Variants in PCDH11X observed in about 807,000 individuals in gnomAD.
PCDH11X encodes protocadherin 11 X-linked.
Under a neutral mutation model 53.3 loss-of-function variants are expected in PCDH11X, and 18 were observed. That is an observed-to-expected ratio of 0.34 (90% confidence interval 0.23 to 0.50). PCDH11X has a LOEUF of 0.50. PCDH11X is among the 20% of genes least tolerant of loss of function. PCDH11X has a pLI of 0.98. For synonymous variants in PCDH11X, 279 were observed against 393.3 expected, an observed-to-expected ratio of 0.71 and a Z score of 3.44; for missense variants, 570 against 1,032.4, an observed-to-expected ratio of 0.55 and a Z score of 6.14.
At position 92,152,795 on chromosome X, in the gene PCDH11X, G is replaced by GTATTTATT. The variant is rs398073674; in HGVS notation, c.3034-48570_3034-48563dup. 1.2e-4 allele frequency among the ~76,000 whole-genome samples: 9 copies of GTATTTATT among 76,662 alleles called. No homozygotes were observed. The East Asian group carries it at 1.6e-3, about 13-fold the overall frequency. The allele number at this position is 76,662 out of a possible 115,157, so 66.6% of individuals were successfully genotyped here. A position where few individuals can be genotyped will look rare whatever the true frequency, so the allele number is the denominator to read the frequency against. On this transcript the variant is annotated intron_variant, in intron 6 of 10. Coordinates refer to ENST00000682573, the MANE Select transcript of PCDH11X (RefSeq NM_032968.5). ...TGTATGTATGTATGTATGTATGTAT[G>GTATTTATT]TATTTATTTATTTATTTTTTGAGAC...
At position 92,460,953 on chromosome X, in the gene PCDH11X, G is replaced by T. The variant is rs149927690; in HGVS notation, c.3344-7346G>T. On this transcript the variant is annotated intron_variant, in intron 9 of 10. Coordinates refer to ENST00000682573, the MANE Select transcript of PCDH11X (RefSeq NM_032968.5). ...CAACACCAAAGTTCTGAGGCATTAA[G>T]CCAGCAGAAGCAGGGTACCCTTTGG... is the stretch of plus-strand genomic sequence containing the variant. The T allele has an allele frequency of 1.7e-3, 1,861 of 1,070,725 alleles. 25 individuals carry two copies. The African/African-American group carries it at 0.031, about 18-fold the overall frequency. 88.2% of individuals were successfully genotyped at this position (1,070,725 alleles called of 1,213,427 possible).
intron 6 of PCDH11X, among the ~76,000 whole-genome samples, chrX:92,178,907 G>A (rs2065951320): frequency 8.9e-6 from 1 of 111,764 alleles, no homozygotes; most frequent in Non-Finnish European, 1.9e-5. Context: ...TACAAAAAAT[G>A]GACAAGGACA....
At chrX:92,179,193 G>T (rs762646391) in intron 6 of PCDH11X, among the ~76,000 whole-genome samples, 1 of 111,890 alleles carries the variant, frequency 8.9e-6, no homozygotes, top group East Asian at 2.8e-4. Flanking sequence ...TGACTATTTC[G>T]ATCTTAAACT....
chrX:92,306,186 A>C (rs1744810434), intron 8 of PCDH11X, among the ~76,000 whole-genome samples: 1 of 108,203 alleles, frequency 9.2e-6, no homozygotes, highest in Non-Finnish European at 1.9e-5. Context: ...AAAATATAAA[A>C]TATCTTGAAA....
At chrX:91,788,786 A>C (rs1235857485) in intron 1 of PCDH11X, among the ~76,000 whole-genome samples, 2 of 112,007 alleles carry the variant, frequency 1.8e-5, no homozygotes, top group Non-Finnish European at 3.8e-5. Context: ...GAGAAGAAAG[A>C]GAACTACCAG....
At chrX:92,461,098 A>G in intron 9 of PCDH11X, 1 of 421,225 alleles carries the variant, frequency 2.4e-6, no homozygotes. Context: ...GACATTTCAT[A>G]TTCATAGATT....
intron 10 of PCDH11X, among the ~76,000 whole-genome samples, chrX:92,596,707 C>T (rs4614177): frequency 2.8e-5 from 3 of 108,108 alleles, no homozygotes; most frequent in Admixed American, 1.0e-4. Flanking sequence ...ACTCATTCTA[C>T]GAATCTAATA....
At chrX:92,291,994 G>T (rs1350490835) in intron 8 of PCDH11X, among the ~76,000 whole-genome samples, 1 of 111,520 alleles carries the variant, frequency 9.0e-6, no homozygotes, top group African/African-American at 3.2e-5. Flanking sequence ...TGAATAGAAA[G>T]AATGCAAAAT....
intron 6 of PCDH11X, among the ~76,000 whole-genome samples, chrX:91,892,031 G>A: frequency 1.0e-5 from 1 of 99,547 alleles, no homozygotes; most frequent in Non-Finnish European, 2.0e-5. Context: ...GTGTGTGTGT[G>A]TGTGTGTGTG....
chrX:92,412,579 T>C (rs1336647317), intron 9 of PCDH11X, among the ~76,000 whole-genome samples: 1 of 99,195 alleles, frequency 1.0e-5, no homozygotes, highest in Non-Finnish European at 2.0e-5. Flanking sequence ...ATAAATATGG[T>C]ATAATTTATC....
At chrX:92,501,729 T>C (rs2073962504) in intron 10 of PCDH11X, among the ~76,000 whole-genome samples, 1 of 111,227 alleles carries the variant, frequency 9.0e-6, no homozygotes, top group African/African-American at 3.3e-5. Context: ...CTCAAAATAA[T>C]AAGAACCATA....
intron 6 of PCDH11X, among the ~76,000 whole-genome samples, chrX:92,071,988 G>T (rs2063709134): frequency 9.0e-6 from 1 of 111,076 alleles, no homozygotes; most frequent in African/African-American, 3.3e-5. Flanking sequence ...CTGTGTCTAA[G>T]CTTGCCCTCA....
At chrX:92,158,663 G>A (rs1161032925) in intron 6 of PCDH11X, among the ~76,000 whole-genome samples, 2 of 111,170 alleles carry the variant, frequency 1.8e-5, no homozygotes, top group African/African-American at 3.3e-5. Flanking sequence ...TTGAAACAGA[G>A]TCTAGCTCTG....
intron 5 of PCDH11X, among the ~76,000 whole-genome samples, chrX:91,864,376 TTGTGTGTGTG>T (rs751742042): frequency 3.2e-5 from 3 of 94,793 alleles, no homozygotes; most frequent in East Asian, 3.1e-4. Flanking sequence ...TGGAGCTCCA[TTGTGTGTGTG>T]TGTGTGTGTG....
At chrX:92,149,072 A>G (rs1267044985) in intron 6 of PCDH11X, among the ~76,000 whole-genome samples, 1 of 111,238 alleles carries the variant, frequency 9.0e-6, no homozygotes, top group Non-Finnish European at 1.9e-5. Flanking sequence ...CAACTTTGCT[A>G]TCCTCATCTA....
At chrX:91,834,649 G>A (rs1199598956) in intron 4 of PCDH11X, 1 of 110,645 alleles carries the variant, frequency 9.0e-6, no homozygotes, top group Non-Finnish European at 1.9e-5. Context: ...AGCAAATATA[G>A]TAGATCTAAT....
At chrX:91,897,132 C>G (rs2563444) in intron 6 of PCDH11X, among the ~76,000 whole-genome samples, 38,793 of 92,689 alleles carry the variant, frequency 0.42, 8,189 homozygotes, top group East Asian at 0.62. Context: ...AAATAGCATA[C>G]ACAAGGAAGT....
chrX:92,439,755 A>G (rs1294530979), intron 9 of PCDH11X, among the ~76,000 whole-genome samples: 1 of 105,371 alleles, frequency 9.5e-6, no homozygotes, highest in Non-Finnish European at 1.9e-5. Flanking sequence ...CTTCCTTCCT[A>G]CTATCCCTTC....
intron 6 of PCDH11X, among the ~76,000 whole-genome samples, chrX:92,147,810 C>CCTTTCTTCCTTTCTTTCTTTCTTTCTTT (rs2065297006): frequency 7.1e-5 from 5 of 70,196 alleles, no homozygotes; most frequent in Non-Finnish European, 1.3e-4. Context: ...TTTCTTCCTT[C>CCTTTCTTCCTTTCTTTCTTTCTTTCTTT]CTTTCTTTCT....
Sources: gnomAD v4.1 joint callset for allele counts (sites outside exome capture counted in the v4.1 genomes callset) on GRCh38, gnomAD v4.1.1 for gene constraint, MANE v1.5 for transcripts, NCBI Gene and HGNC (gene_info 2026-07-23, HGNC 2026-07-21) for gene names.